The following CDH12 variants were observed in gnomAD, a reference collection of about 807,000 sequenced individuals.
CDH12 encodes cadherin 12.
Under a neutral mutation model 74.1 loss-of-function variants are expected in CDH12, and 41 were observed. That is an observed-to-expected ratio of 0.55 (90% CI 0.43 to 0.72). The LOEUF (loss-of-function observed/expected upper bound fraction) is 0.72. Ranked by LOEUF, CDH12 falls within the 30% of genes least tolerant of loss-of-function variation. The probability of loss-of-function intolerance (pLI) is 0.00; values close to 1 mark genes in which losing one functional copy is unlikely to be tolerated. For missense variants in CDH12, 945 were observed against 977.2 expected, an observed-to-expected ratio of 0.97 and a Z score of 0.44; for synonymous variants, 399 against 355.0, an observed-to-expected ratio of 1.12 and a Z score of -1.39.
intron 5 of CDH12, among the ~76,000 whole-genome samples, chr5:22,034,860 A>T (rs1001005820): frequency 1.3e-5 from 2 of 152,168 alleles, no homozygotes; most frequent in African/African-American, 4.8e-5. Context: ...ACAATAAAAT[A>T]AAGCTTTTTG....
At chr5:22,810,738 G>T (rs536971876) in intron 1 of CDH12, among the ~76,000 whole-genome samples, 1 of 152,058 alleles carries the variant, frequency 6.6e-6, no homozygotes, top group Non-Finnish European at 1.5e-5. Flanking sequence ...AAATTAACCG[G>T]GCCAGTGGTA....
chr5:21,798,312 T>C (rs1173533877), intron 10 of CDH12, among the ~76,000 whole-genome samples: 1 of 151,692 alleles, frequency 6.6e-6, no homozygotes, highest in Non-Finnish European at 1.5e-5. Flanking sequence ...CCATATATGG[T>C]TTTCTGGAAC....
chr5:22,009,666 G>A (rs556694844), intron 5 of CDH12, among the ~76,000 whole-genome samples: 2 of 152,106 alleles, frequency 1.3e-5, no homozygotes, highest in East Asian at 3.9e-4. Context: ...TATTTTTAAT[G>A]TTATGTATTC....
intron 6 of CDH12, among the ~76,000 whole-genome samples, chr5:21,854,996 C>G (rs1033229519): frequency 2.0e-5 from 3 of 151,672 alleles, no homozygotes; most frequent in African/African-American, 7.3e-5. Flanking sequence ...TTTAAATACG[C>G]ATTTTAAAAG....
intron 4 of CDH12, among the ~76,000 whole-genome samples, chr5:22,131,018 G>T (rs372376247): frequency 3.3e-5 from 5 of 152,058 alleles, no homozygotes. Context: ...TCAGTGGTCA[G>T]CTCCTTATTA....
At chr5:22,807,492 T>C (rs113203511) in intron 1 of CDH12, among the ~76,000 whole-genome samples, 28 of 152,314 alleles carry the variant, frequency 1.8e-4, no homozygotes, top group African/African-American at 6.7e-4. Flanking sequence ...TACTCCAGTA[T>C]ACAGTTATGT....
At chr5:21,921,393 C>T (rs1347901568) in intron 6 of CDH12, among the ~76,000 whole-genome samples, 1 of 152,182 alleles carries the variant, frequency 6.6e-6, no homozygotes, top group South Asian at 2.1e-4. Flanking sequence ...CTTATTCCTA[C>T]AAGGAAGTAG....
intron 6 of CDH12, among the ~76,000 whole-genome samples, chr5:21,948,362 G>A (rs898811292): frequency 1.3e-5 from 2 of 152,214 alleles, no homozygotes; most frequent in African/African-American, 4.8e-5. Context: ...TGCCCTGGAT[G>A]TGAAACATGG....
chr5:21,900,818 A>G (rs909444296), intron 6 of CDH12, among the ~76,000 whole-genome samples: 1 of 152,216 alleles, frequency 6.6e-6, no homozygotes, highest in African/African-American at 2.4e-5. Flanking sequence ...AATGCTCAGA[A>G]TGACGATGGG....
chr5:22,038,865 A>C (rs1236200097), intron 5 of CDH12, among the ~76,000 whole-genome samples: 1 of 152,202 alleles, frequency 6.6e-6, no homozygotes, highest in African/African-American at 2.4e-5. Flanking sequence ...CAGAACACCA[A>C]CTAGGCTAAA....
chr5:22,812,307 G>GA (rs1273276963), intron 1 of CDH12, among the ~76,000 whole-genome samples: 2 of 152,044 alleles, frequency 1.3e-5, no homozygotes, highest in Non-Finnish European at 2.9e-5. Context: ...TTTTTTGAGG[G>GA]AAGGCATAAT....
At chr5:22,801,302 C>T (rs944365402) in intron 1 of CDH12, among the ~76,000 whole-genome samples, 4 of 152,008 alleles carry the variant, frequency 2.6e-5, no homozygotes, top group East Asian at 1.9e-4. Flanking sequence ...GAAAATTAGG[C>T]TTCGTAGGTA....
chr5:21,848,439 A>T (rs1255834257), intron 7 of CDH12, among the ~76,000 whole-genome samples: 1 of 152,026 alleles, frequency 6.6e-6, no homozygotes, highest in African/African-American at 2.4e-5. Context: ...TCAATTCCAT[A>T]GCTCAGTTAC....
intron 2 of CDH12, among the ~76,000 whole-genome samples, chr5:22,500,709 A>G (rs1009938674): frequency 4.6e-5 from 7 of 152,132 alleles, no homozygotes; most frequent in Admixed American, 6.5e-5. Context: ...TGGCTTTTCC[A>G]TATTCCCTTA....
chr5:22,763,895 T>C (rs1177028479), intron 1 of CDH12, among the ~76,000 whole-genome samples: 2 of 151,930 alleles, frequency 1.3e-5, no homozygotes, highest in Non-Finnish European at 1.5e-5. Context: ...AATTAAGATA[T>C]AGAACTTCAA....
intron 2 of CDH12, among the ~76,000 whole-genome samples, chr5:22,485,230 G>T (rs1013277643): frequency 6.6e-5 from 10 of 152,120 alleles, no homozygotes; most frequent in Middle Eastern, 6.8e-3. Flanking sequence ...CACCCAGGCT[G>T]GAATGCAGTG....
chr5:22,487,881 C>T (rs536305745), intron 2 of CDH12, among the ~76,000 whole-genome samples: 3 of 152,308 alleles, frequency 2.0e-5, no homozygotes, highest in African/African-American at 7.2e-5. Context: ...TAAAATTTAA[C>T]TTTTAACAAC....
intron 6 of CDH12, among the ~76,000 whole-genome samples, chr5:21,921,155 T>TA (rs1291437156): frequency 1.3e-5 from 2 of 152,108 alleles, no homozygotes; most frequent in Non-Finnish European, 2.9e-5. Flanking sequence ...TGAGGATAAA[T>TA]AAAAGAAATA....
At chr5:22,011,470 G>T (rs913936343) in intron 5 of CDH12, among the ~76,000 whole-genome samples, 2 of 152,016 alleles carry the variant, frequency 1.3e-5, no homozygotes, top group African/African-American at 4.8e-5. Flanking sequence ...GCCTTTTATT[G>T]AACAAAACAA....
Sources: gnomAD v4.1 joint callset for allele counts (sites outside exome capture counted in the v4.1 genomes callset) on GRCh38, gnomAD v4.1.1 for gene constraint, MANE v1.5 for transcripts, NCBI Gene and HGNC (gene_info 2026-07-23, HGNC 2026-07-21) for gene names.